Variants in MIP observed in about 807,000 individuals in gnomAD.
MIP encodes the protein major intrinsic protein of lens fiber.
Under a neutral mutation model 21.8 loss-of-function variants are expected in MIP, and 14 were observed. The observed-to-expected ratio is 0.64, with a 90% confidence interval of 0.42 to 1.00. The LOEUF is 1.00. MIP is among the 50% of genes least tolerant of loss of function. The probability of loss-of-function intolerance (pLI) is 0.00; values close to 1 mark genes in which losing one functional copy is unlikely to be tolerated. For synonymous variants in MIP, 133 were observed against 141.4 expected (o/e 0.94, Z 0.42); for missense variants, 260 against 333.5 (o/e 0.78, Z 1.72).
chr12:56,453,613 A>G lies in MIP; in HGVS notation c.503T>C (p.Leu168Pro). 1 of 1,614,270 alleles carries G rather than the reference A, an allele frequency of 6.2e-7. No individual in the cohort carries two copies. Among genetic ancestry groups the G allele is most frequent in the Non-Finnish European group, 8.5e-7 (1 of 1,180,050 alleles). Residue 168 changes from leucine (L) to proline (P), a missense_variant, in exon 2 of 4, where the codon CTT becomes CCT. Coordinates refer to ENST00000652304, the MANE Select transcript of MIP (RefSeq NM_012064.4). ...GSVALAVGFS[L>P]ALGHLFGMYY... Reference sequence around the variant, plus strand: ...TACCCCAAAGAGGTGCCCCAGGGCAAGGGAGAAGCCAACGGCCAGGGCCAC... The same window carrying G: ...TACCCCAAAGAGGTGCCCCAGGGCAGGGGAGAAGCCAACGGCCAGGGCCAC...
At chr12:56,453,210 C>A in intron 2 of MIP, 58 bp from the exon 3 acceptor site, 1 of 1,238,508 alleles carries the variant, frequency 8.1e-7, no homozygotes. Flanking sequence ...GCTTCTCTCC[C>A]CACAACCCAC....
chr12:56,455,924 T>C (rs763341543), upstream of MIP, among the ~76,000 whole-genome samples: 8 of 152,160 alleles, frequency 5.3e-5, no homozygotes, highest in Non-Finnish European at 1.2e-4. Context: ...GGGGCTGTGC[T>C]TTCTCCTCAT....
In MIP at chr12:56,454,530, C is replaced by T. The variant is rs368415438; in HGVS notation, c.84G>A (p.Leu28=). 7 of 1,613,532 alleles carry T rather than the reference C, an allele frequency of 4.3e-6. No individual in the cohort carries two copies. The highest frequency in any genetic ancestry group is 5.1e-6 in the Non-Finnish European group (6 of 1,179,662). ...CAGGAGCCCAGCGCAGTGAGGACCC[C>T]AGCCCAAAGAAGACATAGAAGAGGG... ...FATLFYVFFG[L]GSSLRWAPGP... is the part of the protein sequence containing the mutation. Residue 28 remains leucine (L), a synonymous_variant, in exon 1 of 4, where the codon CTG becomes CTA. Coordinates refer to ENST00000652304, the MANE Select transcript of MIP (RefSeq NM_012064.4).
chr12:56,450,919 C>T lies in MIP; in HGVS notation c.*361G>A, dbSNP rs781736815. 1 of 276,710 alleles carries T rather than the reference C, an allele frequency of 3.6e-6. No homozygotes were observed. The highest frequency in any genetic ancestry group is 7.0e-6 in the Non-Finnish European group (1 of 142,770). 17.1% of individuals were successfully genotyped at this position (276,710 alleles called of 1,614,324 possible). On this transcript the variant is annotated 3_prime_UTR_variant, in exon 4 of 4. Coordinates refer to ENST00000652304, the MANE Select transcript of MIP (RefSeq NM_012064.4). ...GCCAGAAACTTAAGGTGTCGGTTAC[C>T]CAGTACTCACCATACTGGGTCGAGG...
chr12:56,455,286 C>T (rs1000765461), upstream of MIP, among the ~76,000 whole-genome samples: 1 of 152,162 alleles, frequency 6.6e-6, no homozygotes, highest in African/African-American at 2.4e-5. Flanking sequence ...CAGTCCATGA[C>T]AGCACCTCCC....
In MIP at chr12:56,451,438, C is replaced by T; in HGVS notation, c.634G>A (p.Gly212Arg). 1.9e-6 allele frequency: 3 copies of T among 1,614,158 alleles called. No individual in the cohort carries two copies. Among genetic ancestry groups the T allele is most frequent in the Non-Finnish European group, 2.5e-6 (3 of 1,180,038 alleles). ...TCGTACAGGAGGCTGCCCAGACCCC[C>T]TCCAATGATTGGGCCTACCCAGTAC... The part of the protein sequence containing the change: ...WVYWVGPIIG[G>R]GLGSLLYDFL... Residue 212 changes from glycine to arginine, a missense_variant, in exon 4 of 4, where the codon GGG becomes AGG. Gly to Arg is a moderately radical substitution (Grantham distance 125, BLOSUM62 -2). Coordinates refer to ENST00000652304, the MANE Select transcript of MIP (RefSeq NM_012064.4).
intron 3 of MIP, among the ~76,000 whole-genome samples, chr12:56,452,083 G>A (rs1592263867): frequency 6.6e-6 from 1 of 152,122 alleles, no homozygotes; most frequent in Non-Finnish European, 1.5e-5. Context: ...TAAGTGTACA[G>A]TTTAGTAGTG....
chr12:56,453,242 C>G (rs1440706536), intron 2 of MIP, 90 bp from the exon 3 acceptor site: 2 of 974,490 alleles, frequency 2.1e-6, no homozygotes, highest in South Asian at 1.3e-5. Flanking sequence ...GAGCTGCCAT[C>G]TTTTCTCCAG....
At chr12:56,453,190 C>T in intron 2 of MIP, 38 bp from the exon 3 acceptor site, 1 of 1,431,806 alleles carries the variant, frequency 7.0e-7, no homozygotes, top group Non-Finnish European at 9.9e-7. Context: ...CACCCCCCTA[C>T]TGCACCCCAG....
upstream of MIP, among the ~76,000 whole-genome samples, chr12:56,455,792 C>T (rs556757440): frequency 3.4e-4 from 51 of 152,190 alleles, no homozygotes; most frequent in African/African-American, 1.0e-3. Flanking sequence ...CAAGTCATAC[C>T]GGCCACAAAC....
chr12:56,455,394 G>C (rs1428921075), upstream of MIP, among the ~76,000 whole-genome samples: 2 of 152,252 alleles, frequency 1.3e-5, no homozygotes, highest in Middle Eastern at 3.4e-3. Flanking sequence ...GGAGGGATAG[G>C]AATAAGAAAG....
In MIP at chr12:56,451,200, C is replaced by A; in HGVS notation, c.*80G>T. ...AGAAGTACATGACCCTCCCCACAGT[C>A]TCTTTCTTCATCTAGGGGCTGGCTA... On this transcript the variant is annotated 3_prime_UTR_variant, in exon 4 of 4. Transcript: ENST00000652304. 7.9e-7 allele frequency: 1 copy of A among 1,262,932 alleles called. No individual in the cohort carries two copies. Among genetic ancestry groups the A allele is most frequent in the South Asian group, 1.2e-5 (1 of 82,534 alleles). 78.2% of individuals were successfully genotyped at this position (1,262,932 alleles called of 1,614,324 possible).
rs1287527948 is a variant in MIP, at chr12:56,451,257, C to T, written c.*23G>A. On this transcript the variant is annotated 3_prime_UTR_variant, in exon 4 of 4. Transcript: ENST00000652304. ...TCCACGTAAACTCAGAAGCTTTCTA[C>T]TCCCTCTATTCAGCTGGAGCTTCTA... is the stretch of plus-strand genomic sequence containing the variant. The T allele has an allele frequency of 3.1e-6, 5 of 1,610,318 alleles. No individual in the cohort carries two copies. The highest frequency in any genetic ancestry group is 1.3e-5 in the African/African-American group (1 of 74,814).
At chr12:56,453,474 T>C (rs1868683789) in intron 2 of MIP, 117 bp downstream of exon 2, 2 of 1,138,996 alleles carry the variant, frequency 1.8e-6, no homozygotes, top group Non-Finnish European at 1.3e-6. Context: ...CAGTAGAGAG[T>C]GCAATGGACA....
intron 3 of MIP, among the ~76,000 whole-genome samples, chr12:56,452,281 ATTTG>A (rs1868645466): frequency 6.6e-6 from 1 of 152,042 alleles, no homozygotes; most frequent in Non-Finnish European, 1.5e-5. Context: ...ATCATACAGT[ATTTG>A]TCTTTTTGTG....
rs1258384352 is a variant in MIP at position 56,449,841 on chromosome 12, T to A, written c.*1439A>T. ...AATATTCATTGAACAGTTGAGGGTC[T>A]CTTCTGGCCTCTGCTGAGATGATCT... On this transcript the variant is annotated 3_prime_UTR_variant, in exon 4 of 4. Coordinates refer to ENST00000652304, the MANE Select transcript of MIP (RefSeq NM_012064.4). 1.3e-5 allele frequency: 2 copies of A among 152,142 alleles called. No homozygotes were observed. Among genetic ancestry groups the A allele is most frequent in the Admixed American group, 1.3e-4 (2 of 15,266 alleles). 9.4% of individuals were successfully genotyped at this position (152,142 alleles called of 1,614,324 possible). A position where few individuals can be genotyped will look rare whatever the true frequency, so the allele number is the denominator to read the frequency against.
At chr12:56,451,849 C>A (rs1420722771) in intron 3 of MIP, among the ~76,000 whole-genome samples, 1 of 152,180 alleles carries the variant, frequency 6.6e-6, no homozygotes, top group Non-Finnish European at 1.5e-5. Flanking sequence ...TGAGAACAGC[C>A]TGACCAACAG....
In MIP at chr12:56,449,813, G is replaced by T. The variant is rs903244016; in HGVS notation, c.*1467C>A. ...GGCTCATAAAAGGAAGAAAGCAACC[G>T]TAAATATTCATTGAACAGTTGAGGG... On this transcript the variant is annotated 3_prime_UTR_variant, in exon 4 of 4. Transcript: ENST00000652304. 6.6e-6 allele frequency: 1 copy of T among 152,126 alleles called. No homozygotes were observed. Among genetic ancestry groups the T allele is most frequent in the African/African-American group, 2.4e-5 (1 of 41,428 alleles). 9.4% of individuals were successfully genotyped at this position (152,126 alleles called of 1,614,324 possible). A position where few individuals can be genotyped will look rare whatever the true frequency, so the allele number is the denominator to read the frequency against.
In MIP at chr12:56,453,160, A is replaced by G; in HGVS notation, c.526-8T>C. On this transcript the variant is annotated splice_region_variant and splice_polypyrimidine_tract_variant and intron_variant, in intron 2 of 3. Coordinates refer to ENST00000652304, the MANE Select transcript of MIP (RefSeq NM_012064.4). ...TGCACCAGTATAATACATCTGCAAA[A>G]GAGACAGTTGTAACTGAGACACCCC... is the stretch of plus-strand genomic sequence containing the variant. 3.7e-6 allele frequency: 6 copies of G among 1,604,026 alleles called. No individual in the cohort carries two copies. Among genetic ancestry groups the G allele is most frequent in the Non-Finnish European group, 5.1e-6 (6 of 1,170,746 alleles).
Sources: gnomAD v4.1 joint callset for allele counts (sites outside exome capture counted in the v4.1 genomes callset) on GRCh38, gnomAD v4.1.1 for gene constraint, MANE v1.5 for transcripts, NCBI Gene and HGNC (gene_info 2026-07-23, HGNC 2026-07-21) for gene names.